The following CFAP43 variants were observed in gnomAD, a reference collection of about 807,000 sequenced individuals.
CFAP43 encodes cilia and flagella associated protein 43.
CFAP43 carries 155 observed loss-of-function variants against 218.9 expected under a neutral mutation model. The ratio of observed to expected loss-of-function variants is 0.71; its 90% CI spans 0.62 to 0.81. The LOEUF (loss-of-function observed/expected upper bound fraction) is 0.81. CFAP43 is among the 30% of genes least tolerant of loss of function. CFAP43 has a pLI of 0.00. For synonymous variants in CFAP43, 645 were observed against 681.3 expected (o/e 0.95, Z 0.83); for missense variants, 1,778 against 1,954.3 (o/e 0.91, Z 1.70).
chr10:104,172,063 A>G (rs531402369), intron 20 of CFAP43, among the ~76,000 whole-genome samples: 2 of 152,282 alleles, frequency 1.3e-5, no homozygotes, highest in Admixed American at 6.5e-5. Context: ...AGGAAGAAAG[A>G]TTTCAACTCT....
intron 35 of CFAP43, chr10:104,132,731 C>T: frequency 1.0e-6 from 1 of 985,002 alleles, no homozygotes; most frequent in Non-Finnish European, 1.2e-6. Flanking sequence ...TTACAAATGC[C>T]TACTTTATTT....
intron 34 of CFAP43, among the ~76,000 whole-genome samples, chr10:104,139,045 C>CAGAT (rs1283593477): frequency 2.6e-5 from 4 of 152,024 alleles, no homozygotes; most frequent in African/African-American, 9.7e-5. Flanking sequence ...ATCTGTCTGT[C>CAGAT]TATCTATCTA....
At chr10:104,187,263 T>A in intron 14 of CFAP43, 57 bp downstream of exon 14, 1 of 1,460,890 alleles carries the variant, frequency 6.8e-7, no homozygotes, top group Non-Finnish European at 9.2e-7. Context: ...CTAATCAGTA[T>A]AATGTATCAA....
chr10:104,167,432 C>T (rs969019014), intron 22 of CFAP43, among the ~76,000 whole-genome samples, 189 bp downstream of exon 22: 5 of 152,036 alleles, frequency 3.3e-5, no homozygotes, highest in Non-Finnish European at 5.9e-5. Flanking sequence ...AGGATACAGG[C>T]TCCTTGATTT....
intron 19 of CFAP43, 29 bp downstream of exon 19, chr10:104,179,000 G>T (rs1038603418): frequency 1.9e-6 from 3 of 1,558,960 alleles, no homozygotes; most frequent in African/African-American, 2.7e-5. Context: ...AGGGCCAAAG[G>T]TATTAGAATA....
chr10:104,209,629 C>T (rs1275182816), intron 5 of CFAP43, among the ~76,000 whole-genome samples: 1 of 152,140 alleles, frequency 6.6e-6, no homozygotes, highest in Non-Finnish European at 1.5e-5. Context: ...TATGTTTGTA[C>T]AAAATGTGAA....
chr10:104,190,696 T>C (rs761591616), intron 12 of CFAP43, among the ~76,000 whole-genome samples: 4 of 152,228 alleles, frequency 2.6e-5, no homozygotes, highest in Non-Finnish European at 4.4e-5. Context: ...GCTAGAAATT[T>C]TGGAGTCATC....
chr10:104,149,282 T>G (rs1370444611), intron 28 of CFAP43, among the ~76,000 whole-genome samples: 1 of 152,208 alleles, frequency 6.6e-6, no homozygotes, highest in Non-Finnish European at 1.5e-5. Flanking sequence ...TTTCTTTCTG[T>G]GATGTCAGCA....
At chr10:104,182,340 G>T in intron 17 of CFAP43, 26 bp downstream of exon 17, 1 of 1,513,650 alleles carries the variant, frequency 6.6e-7, no homozygotes. Context: ...ATGTAAGCAA[G>T]CAAGCTAGTC....
Position 104,161,047 on chromosome 10 carries a change from T to G in CFAP43, c.3530A>C (p.Lys1177Thr). 1 of 1,608,390 alleles carries G rather than the reference T, an allele frequency of 6.2e-7. No individual in the cohort carries two copies. Among genetic ancestry groups the G allele is most frequent in the African/African-American group, 1.3e-5 (1 of 74,882 alleles). ...KVKELNEERDKYRKSLEAELK... is the reference protein window; with the variant it reads ...KVKELNEERDTYRKSLEAELK... ...ATTTGCTCTTCTGACCTTTCTATAC[T>G]TATCTCTTTCTTCATTTAACTCCTT... The change falls in exon 27 of 38, where the codon AAG becomes ACG. Residue 1177 changes from lysine (K) to threonine (T), a missense_variant. Physicochemically the swap from Lys to Thr is moderately conservative, Grantham distance 78 (BLOSUM62 -1). Transcript: ENST00000357060.
At chr10:104,139,622 G>C (rs558595477) in intron 34 of CFAP43, among the ~76,000 whole-genome samples, 5 of 152,280 alleles carry the variant, frequency 3.3e-5, no homozygotes, top group Non-Finnish European at 5.9e-5. Context: ...TGGCAATCCA[G>C]TGAATCTAGC....
intron 33 of CFAP43, 31 bp downstream of exon 33, chr10:104,142,250 T>G: frequency 6.3e-7 from 1 of 1,583,964 alleles, no homozygotes; most frequent in Non-Finnish European, 8.6e-7. Context: ...AGACTTTGAA[T>G]AGGTGAACAT....
At chr10:104,194,047 A>T (rs770129504) in intron 10 of CFAP43, 33 bp from the exon 11 acceptor site, 1 of 1,607,254 alleles carries the variant, frequency 6.2e-7, no homozygotes, top group South Asian at 1.1e-5. Context: ...GCGTATCTCT[A>T]TTGTGCCTGC....
intron 34 of CFAP43, among the ~76,000 whole-genome samples, chr10:104,139,810 A>T (rs935511271): frequency 6.6e-6 from 1 of 152,232 alleles, no homozygotes; most frequent in African/African-American, 2.4e-5. Context: ...CTTTTGAAAT[A>T]GTGAAAATTA....
intron 13 of CFAP43, 147 bp downstream of exon 13, chr10:104,188,123 G>C: frequency 6.2e-6 from 6 of 968,962 alleles, no homozygotes; most frequent in Non-Finnish European, 8.9e-6. Context: ...AAACTGTTTA[G>C]CATGTTGGTT....
chr10:104,182,784 T>G (rs2089897328), intron 16 of CFAP43, among the ~76,000 whole-genome samples: 1 of 152,158 alleles, frequency 6.6e-6, no homozygotes, highest in South Asian at 2.1e-4. Flanking sequence ...TAATCACAGC[T>G]TACTGCAGCC....
At chr10:104,190,137 A>G (rs1480001357) in intron 12 of CFAP43, among the ~76,000 whole-genome samples, 1 of 81,934 alleles carries the variant, frequency 1.2e-5, no homozygotes, top group Non-Finnish European at 2.3e-5. Flanking sequence ...CTCCATCTCA[A>G]AAAAAAAAAA....
intron 14 of CFAP43, among the ~76,000 whole-genome samples, chr10:104,187,007 C>T (rs1411669032): frequency 2.0e-5 from 3 of 152,162 alleles, no homozygotes; most frequent in African/African-American, 7.2e-5. Context: ...TACCTTGTAG[C>T]CCTTGGCATA....
At chr10:104,167,846 C>T (rs987683658) in intron 21 of CFAP43, 109 bp from the exon 22 acceptor site, 2 of 681,036 alleles carry the variant, frequency 2.9e-6, no homozygotes, top group South Asian at 2.5e-5. Flanking sequence ...CATAGGTTAT[C>T]ATGTGTTAGT....
Sources: allele counts gnomAD v4.1 joint callset (sites outside exome capture counted in the v4.1 genomes callset), GRCh38; gene constraint gnomAD v4.1.1; transcripts MANE v1.5; gene names NCBI Gene and HGNC (gene_info 2026-07-23, HGNC 2026-07-21).